SLC16A7: variants seen among roughly 807,000 people sequenced by gnomAD.
SLC16A7 encodes the protein solute carrier family 16 member 7.
Under a neutral mutation model 34.9 loss-of-function variants are expected in SLC16A7, and 33 were observed. The observed-to-expected ratio is 0.94, with a 90% CI of 0.72 to 1.26. The LOEUF is 1.26. Among genes scored for constraint, SLC16A7 ranks in the 50% most tolerant of loss-of-function variants. SLC16A7 has a pLI of 0.00. For synonymous variants in SLC16A7, 201 were observed against 206.6 expected, an observed-to-expected ratio of 0.97 and a Z score of 0.23; for missense variants, 573 against 578.1, an observed-to-expected ratio of 0.99 and a Z score of 0.09.
At chr12:59,606,860 ATG>A (rs10623721) in intron 1 of SLC16A7, among the ~76,000 whole-genome samples, 2,907 of 151,266 alleles carry the variant, frequency 0.019, 85 homozygotes, top group African/African-American at 0.063. Context: ...ATATATATAT[ATG>A]TGTGTGTGTG....
intron 2 of SLC16A7, among the ~76,000 whole-genome samples, chr12:59,676,846 T>A (rs2137064273): frequency 6.6e-6 from 1 of 152,224 alleles, no homozygotes; most frequent in East Asian, 1.9e-4. Context: ...TTAAAAATCT[T>A]TCATTAAATG....
chr12:59,642,975 T>G (rs1275270541), intron 1 of SLC16A7, among the ~76,000 whole-genome samples: 1 of 152,132 alleles, frequency 6.6e-6, no homozygotes, highest in Non-Finnish European at 1.5e-5. Context: ...GAGTTATCAC[T>G]GCCAGCATAT....
Position 59,780,253 on chromosome 12 carries a change from A to G in SLC16A7, c.*574A>G, listed in dbSNP as rs1883147581. 6.6e-6 allele frequency: 1 copy of G among 152,124 alleles called. No individual in the cohort carries two copies. The highest frequency in any genetic ancestry group is 2.1e-4 in the South Asian group (1 of 4,822). 9.4% of individuals were successfully genotyped at this position (152,124 alleles called of 1,614,324 possible). A position where few individuals can be genotyped will look rare whatever the true frequency, so the allele number is the denominator to read the frequency against. The stretch of plus-strand genomic sequence containing the variant: ...TAAGGTAAAAATAATCCATGAAGAT[A>G]AAAGAAACATATGTCTGCGTGCTAC... On this transcript the variant is annotated 3_prime_UTR_variant, in exon 6 of 6. Transcript: ENST00000547379.
chr12:59,693,613 A>G (rs1871925684), intron 2 of SLC16A7, among the ~76,000 whole-genome samples: 1 of 151,964 alleles, frequency 6.6e-6, no homozygotes, highest in South Asian at 2.1e-4. Context: ...ACTCAAAAAC[A>G]TTATGGACAG....
At chr12:59,613,200 T>C (rs1172733636) in intron 1 of SLC16A7, among the ~76,000 whole-genome samples, 1 of 152,256 alleles carries the variant, frequency 6.6e-6, no homozygotes, top group Non-Finnish European at 1.5e-5. Context: ...CTTCTTCACA[T>C]GATGGCAGGA....
intron 2 of SLC16A7, among the ~76,000 whole-genome samples, chr12:59,679,875 TA>T (rs1183387621): frequency 7.9e-5 from 12 of 152,266 alleles, no homozygotes; most frequent in Non-Finnish European, 1.5e-4. Context: ...CTTCTAAGTG[TA>T]AAAACCCAAG....
intron 3 of SLC16A7, chr12:59,734,047 C>T (rs1029955857): frequency 3.0e-6 from 1 of 331,082 alleles, no homozygotes; most frequent in African/African-American, 2.2e-5. Context: ...CTTTGGTCTA[C>T]AGACTACCCA....
intron 3 of SLC16A7, among the ~76,000 whole-genome samples, chr12:59,740,470 A>G (rs557088753): frequency 1.3e-5 from 2 of 152,178 alleles, no homozygotes; most frequent in Non-Finnish European, 2.9e-5. Context: ...GTTTGAAGTC[A>G]GGTAGCAGAT....
At chr12:59,651,616 C>T (rs187258997) in intron 1 of SLC16A7, among the ~76,000 whole-genome samples, 67 of 152,250 alleles carry the variant, frequency 4.4e-4, no homozygotes, top group African/African-American at 1.6e-3. Context: ...TGCTTTTGGA[C>T]ATCTAAGAGT....
At chr12:59,647,402 G>A (rs902062155) in intron 1 of SLC16A7, among the ~76,000 whole-genome samples, 17 of 152,150 alleles carry the variant, frequency 1.1e-4, no homozygotes, top group Non-Finnish European at 1.9e-4. Flanking sequence ...CCTTTCTGCT[G>A]CCATGTGAAG....
At chr12:59,648,700 T>C (rs1206499060) in intron 1 of SLC16A7, among the ~76,000 whole-genome samples, 1 of 152,024 alleles carries the variant, frequency 6.6e-6, no homozygotes, top group African/African-American at 2.4e-5. Flanking sequence ...CAGGACAGGA[T>C]TGATTGAAAT....
At chr12:59,734,383 C>T (rs1877340617) in intron 3 of SLC16A7, among the ~76,000 whole-genome samples, 1 of 152,244 alleles carries the variant, frequency 6.6e-6, no homozygotes, top group African/African-American at 2.4e-5. Flanking sequence ...TAAATCTGGG[C>T]AGGCACCAGG....
At chr12:59,609,561 G>A (rs1879099316) in intron 1 of SLC16A7, among the ~76,000 whole-genome samples, 1 of 152,116 alleles carries the variant, frequency 6.6e-6, no homozygotes, top group Non-Finnish European at 1.5e-5. Context: ...GGAGGGTGGA[G>A]AAAGTGAGAG....
chr12:59,709,984 T>C (rs899228827), intron 3 of SLC16A7, among the ~76,000 whole-genome samples: 1 of 151,672 alleles, frequency 6.6e-6, no homozygotes, highest in East Asian at 1.9e-4. Flanking sequence ...TTATATAGAC[T>C]ATACTGATCA....
At chr12:59,667,201 G>A (rs1390116216) in intron 2 of SLC16A7, among the ~76,000 whole-genome samples, 1 of 152,136 alleles carries the variant, frequency 6.6e-6, no homozygotes, top group Non-Finnish European at 1.5e-5. Context: ...CCCACAACAC[G>A]TGGGAATTCT....
chr12:59,643,943 A>G (rs1448595103), intron 1 of SLC16A7, among the ~76,000 whole-genome samples: 1 of 152,210 alleles, frequency 6.6e-6, no homozygotes, highest in Admixed American at 6.5e-5. Context: ...ACAAAAGAAC[A>G]TAATTATCCA....
At chr12:59,624,738 TTGTGTGTGTGTGTGTG>T (rs34708782) in intron 1 of SLC16A7, among the ~76,000 whole-genome samples, 2 of 145,370 alleles carry the variant, frequency 1.4e-5, no homozygotes, top group East Asian at 2.0e-4. Context: ...GCATTGTTAG[TTGTGTGTGTGTGTGTG>T]TGTGTGTGTG....
intron 1 of SLC16A7, among the ~76,000 whole-genome samples, chr12:59,632,422 G>C (rs1315857931): frequency 6.6e-6 from 1 of 151,942 alleles, no homozygotes; most frequent in Non-Finnish European, 1.5e-5. Context: ...TTATGGGGGA[G>C]GTTTAGCCCC....
At chr12:59,731,523 TTC>T (rs1384245948) in intron 3 of SLC16A7, among the ~76,000 whole-genome samples, 1 of 152,232 alleles carries the variant, frequency 6.6e-6, no homozygotes, top group Admixed American at 6.5e-5. Context: ...CCATTAACTT[TTC>T]TCTGTATAGC....
Sources: allele counts gnomAD v4.1 joint callset (sites outside exome capture counted in the v4.1 genomes callset), GRCh38; gene constraint gnomAD v4.1.1; transcripts MANE v1.5; gene names NCBI Gene and HGNC (gene_info 2026-07-23, HGNC 2026-07-21).